CNTNAP2: variants seen among roughly 807,000 people sequenced by gnomAD.
CNTNAP2 encodes contactin associated protein 2, also known as contactin-associated protein-like 2.
In CNTNAP2, 98 loss-of-function variants were observed where a neutral mutation model predicts 155.2. That is an observed-to-expected ratio of 0.63 (90% confidence interval 0.54 to 0.75). CNTNAP2 has a LOEUF of 0.75. CNTNAP2 is among the 30% of genes least tolerant of loss of function. The pLI is 0.00. For synonymous variants in CNTNAP2, 651 were observed against 631.2 expected (o/e 1.03, Z -0.47); for missense variants, 1,727 against 1,688.1 (o/e 1.02, Z -0.40).
At chr7:147,512,754 A>G (rs540653801) in intron 11 of CNTNAP2, among the ~76,000 whole-genome samples, 1 of 152,308 alleles carries the variant, frequency 6.6e-6, no homozygotes, top group East Asian at 1.9e-4. Context: ...TTCCATTTTT[A>G]GAATTGTATA....
intron 15 of CNTNAP2, among the ~76,000 whole-genome samples, chr7:148,047,165 G>T (rs1802789840): frequency 6.6e-6 from 1 of 152,070 alleles, no homozygotes; most frequent in African/African-American, 2.4e-5. Flanking sequence ...ATTAATTATG[G>T]TCGACGCTCA....
chr7:147,417,549 GT>G (rs1797216049), intron 10 of CNTNAP2, among the ~76,000 whole-genome samples: 1 of 152,190 alleles, frequency 6.6e-6, no homozygotes, highest in Non-Finnish European at 1.5e-5. Context: ...TAAACATTCA[GT>G]CTCTAACATT....
intron 3 of CNTNAP2, among the ~76,000 whole-genome samples, chr7:146,846,847 G>GTA (rs1803850936): frequency 6.6e-6 from 1 of 151,988 alleles, no homozygotes; most frequent in Admixed American, 6.6e-5. Flanking sequence ...TAAAATAACA[G>GTA]TATATAGTTC....
chr7:146,946,072 C>CCCTTCCTTCCTTCCTTCCTTTCCTTCTTT (rs1797164827), intron 3 of CNTNAP2, among the ~76,000 whole-genome samples: 2 of 149,842 alleles, frequency 1.3e-5, no homozygotes, highest in African/African-American at 4.9e-5. Context: ...TTCCTTCCTT[C>CCCTTCCTTCCTTCCTTCCTTTCCTTCTTT]CCTTCCTTCC....
chr7:148,283,250 A>AG lies in CNTNAP2; in HGVS notation c.3475+16124_3475+16125insG, dbSNP rs1184619171. ...AAGCAACTCTGTCTCAAAAAAAAAA[A>AG]AAAAAAAAGAAAGAAAGAAAGAAAG... On this transcript the variant is annotated intron_variant, in intron 21 of 23. Coordinates refer to ENST00000361727, the MANE Select transcript of CNTNAP2 (RefSeq NM_014141.6). Among the ~76,000 whole-genome samples, 23 of 68,602 alleles carry AG rather than the reference A, an allele frequency of 3.4e-4. 1 individual carries two copies. Among genetic ancestry groups the AG allele is most frequent in the East Asian group, 1.5e-3 (3 of 1,936 alleles). 45.0% of individuals were successfully genotyped at this position (68,602 alleles called of 152,430 possible). A position where few individuals can be genotyped will look rare whatever the true frequency, so the allele number is the denominator to read the frequency against.
At chr7:147,610,112 T>C (rs17170618) in intron 12 of CNTNAP2, among the ~76,000 whole-genome samples, 23,189 of 152,142 alleles carry the variant, frequency 0.15, 2,191 homozygotes, top group East Asian at 0.32. Flanking sequence ...ATTTACATTA[T>C]ACATGTTGAA....
intron 15 of CNTNAP2, among the ~76,000 whole-genome samples, chr7:147,986,421 C>T (rs749605319): frequency 3.9e-5 from 6 of 152,100 alleles, no homozygotes; most frequent in Non-Finnish European, 7.4e-5. Context: ...CATTTTTTCC[C>T]ACAAAATGTG....
At chr7:147,488,366 C>G (rs760978602) in intron 11 of CNTNAP2, among the ~76,000 whole-genome samples, 2 of 152,146 alleles carry the variant, frequency 1.3e-5, no homozygotes, top group African/African-American at 2.4e-5. Flanking sequence ...TTTTCTTGCA[C>G]TTTGTTCGAC....
At chr7:146,374,338 A>G (rs1795277079) in intron 1 of CNTNAP2, among the ~76,000 whole-genome samples, 1 of 152,192 alleles carries the variant, frequency 6.6e-6, no homozygotes, top group African/African-American at 2.4e-5. Context: ...CAATCTCGAT[A>G]GTCATAGAAA....
chr7:146,882,779 G>A (rs990807025), intron 3 of CNTNAP2, among the ~76,000 whole-genome samples: 9 of 152,098 alleles, frequency 5.9e-5, no homozygotes, highest in African/African-American at 1.9e-4. Flanking sequence ...CACAAATAAT[G>A]TTCAGGCTGA....
chr7:148,399,303 A>G (rs1001377850), intron 22 of CNTNAP2, among the ~76,000 whole-genome samples: 2 of 151,926 alleles, frequency 1.3e-5, no homozygotes, highest in Admixed American at 6.5e-5. Flanking sequence ...AATCCACGGT[A>G]CAGTATTTTT....
intron 9 of CNTNAP2, among the ~76,000 whole-genome samples, chr7:147,358,244 A>G (rs1189699141): frequency 6.6e-6 from 1 of 152,172 alleles, no homozygotes; most frequent in East Asian, 1.9e-4. Flanking sequence ...GACATATTTG[A>G]AAAATAAGCA....
chr7:146,898,471 G>C (rs1400607520), intron 3 of CNTNAP2, among the ~76,000 whole-genome samples: 3 of 151,136 alleles, frequency 2.0e-5, no homozygotes, highest in African/African-American at 4.9e-5. Flanking sequence ...TTTTAAATTA[G>C]TTGTGCAACT....
chr7:147,987,407 G>A lies in CNTNAP2; in HGVS notation c.2383+9418G>A, dbSNP rs183761145. Among the ~76,000 whole-genome samples, 140 of 152,262 alleles carry A rather than the reference G, an allele frequency of 9.2e-4. 1 individual carries two copies. The highest frequency in any genetic ancestry group is 3.1e-3 in the African/African-American group (130 of 41,562). ...TACAATTGACATGATATTTGTGTGCGTGTGACTGATTTTCTTACCTGTCCT... is the reference window on the plus strand; with the variant it reads ...TACAATTGACATGATATTTGTGTGCATGTGACTGATTTTCTTACCTGTCCT... On this transcript the variant is annotated intron_variant, in intron 15 of 23. Coordinates refer to ENST00000361727, the MANE Select transcript of CNTNAP2 (RefSeq NM_014141.6).
In CNTNAP2 at chr7:147,806,225, A is replaced by C. The variant is rs143918017; in HGVS notation, c.2099-97340A>C. On this transcript the variant is annotated intron_variant, in intron 13 of 23. Transcript: ENST00000361727. ...CATTTTTCACATACATATGCCCAAC[A>C]GGTATGTGAAAAAATGCTCAACATC... Among the ~76,000 whole-genome samples, 458 of 152,346 alleles carry C rather than the reference A, an allele frequency of 3.0e-3. 2 individuals carry two copies. Among genetic ancestry groups the C allele is most frequent in the African/African-American group, 0.011 (446 of 41,576 alleles).
intron 1 of CNTNAP2, among the ~76,000 whole-genome samples, chr7:146,443,955 T>G (rs1188994163): frequency 6.6e-6 from 1 of 152,326 alleles, no homozygotes; most frequent in East Asian, 1.9e-4. Flanking sequence ...TGAATTTCAG[T>G]TTGTGAAAAA....
chr7:147,043,241 T>G (rs910756129), intron 3 of CNTNAP2, among the ~76,000 whole-genome samples: 16 of 151,964 alleles, frequency 1.1e-4, no homozygotes, highest in African/African-American at 3.9e-4. Flanking sequence ...AAAAAATCCA[T>G]TTGTTCTCCG....
At chr7:147,998,109 T>C (rs1194149644) in intron 15 of CNTNAP2, among the ~76,000 whole-genome samples, 1 of 127,772 alleles carries the variant, frequency 7.8e-6, no homozygotes, top group East Asian at 2.7e-4. Flanking sequence ...TTTTCTTTTT[T>C]TTTTTTTTTT....
At chr7:146,456,671 A>G (rs1213512536) in intron 1 of CNTNAP2, among the ~76,000 whole-genome samples, 1 of 152,156 alleles carries the variant, frequency 6.6e-6, no homozygotes, top group Non-Finnish European at 1.5e-5. Context: ...AAGGCCTCAC[A>G]TCAGTTTTTC....
Sources: allele counts gnomAD v4.1 joint callset (sites outside exome capture counted in the v4.1 genomes callset), GRCh38; gene constraint gnomAD v4.1.1; transcripts MANE v1.5; gene names NCBI Gene and HGNC (gene_info 2026-07-23, HGNC 2026-07-21).